C3orf49: variants seen among roughly 807,000 people sequenced by gnomAD.
C3orf49 encodes the protein chromosome 3 open reading frame 49.
C3orf49 carries 27 observed loss-of-function variants against 13.3 expected under a neutral mutation model. The ratio of observed to expected loss-of-function variants is 2.02; its 90% CI spans 1.49 to 2.79. The LOEUF (loss-of-function observed/expected upper bound fraction) is 2.79. Among genes scored for constraint, C3orf49 ranks in the 30% most tolerant of loss-of-function variants. The pLI is 0.00. For synonymous variants in C3orf49, 87 were observed against 47.6 expected, an observed-to-expected ratio of 1.83 and a Z score of -3.40; for missense variants, 242 against 134.2, an observed-to-expected ratio of 1.80 and a Z score of -3.97.
At chr3:63,828,026 A>G (rs1288542608) in intron 3 of C3orf49, among the ~76,000 whole-genome samples, 1 of 152,210 alleles carries the variant, frequency 6.6e-6, no homozygotes, top group African/African-American at 2.4e-5. Flanking sequence ...TGTGCATACT[A>G]TGTGGAGTGG....
upstream of C3orf49, among the ~76,000 whole-genome samples, chr3:63,816,739 C>T (rs1701328127): frequency 6.7e-6 from 1 of 149,560 alleles, no homozygotes; most frequent in Non-Finnish European, 1.5e-5. Context: ...TCCAGCCACC[C>T]TAGCTTTCTT....
chr3:63,781,642 A>C, the C3orf49 span, among the ~76,000 whole-genome samples: 1 of 152,136 alleles, frequency 6.6e-6, no homozygotes, highest in African/African-American at 2.4e-5. Flanking sequence ...TCAATATTTA[A>C]TAAACTTGTT....
At chr3:63,790,233 T>C in the C3orf49 span, among the ~76,000 whole-genome samples, 16 of 152,194 alleles carry the variant, frequency 1.1e-4, no homozygotes, top group Non-Finnish European at 1.9e-4. Context: ...ATTTTCTCAG[T>C]GGACTTACCC....
At chr3:63,810,040 G>A in the C3orf49 span, among the ~76,000 whole-genome samples, 1 of 151,880 alleles carries the variant, frequency 6.6e-6, no homozygotes, top group African/African-American at 2.4e-5. Context: ...CAGTTACTGG[G>A]AAGGCTGAGG....
intron 2 of C3orf49, among the ~76,000 whole-genome samples, chr3:63,823,957 C>G (rs1701434584): frequency 6.6e-6 from 1 of 152,118 alleles, no homozygotes; most frequent in South Asian, 2.1e-4. Flanking sequence ...CGTGCCACCA[C>G]ACCCAGCTAA....
chr3:63,845,760 A>C (rs1264890408), intron 6 of C3orf49, among the ~76,000 whole-genome samples: 1 of 152,090 alleles, frequency 6.6e-6, no homozygotes, highest in Non-Finnish European at 1.5e-5. Flanking sequence ...TCCAACATAA[A>C]ATGGTTTCTT....
intron 5 of C3orf49, among the ~76,000 whole-genome samples, chr3:63,837,338 A>T (rs1248834532): frequency 6.6e-6 from 1 of 151,646 alleles, no homozygotes; most frequent in Non-Finnish European, 1.5e-5. Context: ...TACACATTAT[A>T]TTTTTTATTT....
the C3orf49 span, among the ~76,000 whole-genome samples, chr3:63,810,388 GTA>G: frequency 6.6e-6 from 1 of 152,122 alleles, no homozygotes; most frequent in Admixed American, 6.6e-5. Context: ...TGTATGCTCA[GTA>G]CTAAGAACAG....
the C3orf49 span, among the ~76,000 whole-genome samples, chr3:63,795,009 C>A: frequency 6.6e-6 from 1 of 152,170 alleles, no homozygotes; most frequent in Non-Finnish European, 1.5e-5. Context: ...CGTCCCGTCT[C>A]CCTTTGCAAA....
At chr3:63,789,572 A>C in the C3orf49 span, among the ~76,000 whole-genome samples, 2,263 of 152,140 alleles carry the variant, frequency 0.015, 29 homozygotes, top group South Asian at 0.065. Flanking sequence ...GCACTTTGGG[A>C]GGCTGAGGAG....
chr3:63,810,298 C>T, the C3orf49 span, among the ~76,000 whole-genome samples: 2 of 152,146 alleles, frequency 1.3e-5, no homozygotes, highest in African/African-American at 2.4e-5. Flanking sequence ...ATTATTTGTT[C>T]ATTTTTTTGC....
the C3orf49 span, among the ~76,000 whole-genome samples, chr3:63,793,921 C>T: frequency 6.6e-6 from 1 of 152,140 alleles, no homozygotes; most frequent in Admixed American, 6.5e-5. Context: ...TTACTGAGGC[C>T]AAACAGGACA....
At chr3:63,804,322 A>G in the C3orf49 span, among the ~76,000 whole-genome samples, 8 of 152,196 alleles carry the variant, frequency 5.3e-5, no homozygotes, top group African/African-American at 1.9e-4. Context: ...TGGGTATGAT[A>G]TAGCCATCTA....
chr3:63,828,461 G>T (rs1442009841), intron 3 of C3orf49, among the ~76,000 whole-genome samples: 2 of 152,008 alleles, frequency 1.3e-5, no homozygotes, highest in Non-Finnish European at 2.9e-5. Flanking sequence ...AACCATGCTT[G>T]GTTAATTTTT....
the C3orf49 span, among the ~76,000 whole-genome samples, chr3:63,814,034 G>A: frequency 9.8e-5 from 15 of 152,298 alleles, no homozygotes; most frequent in Admixed American, 3.3e-4. Flanking sequence ...TTTGCAGAGG[G>A]CTTACAAGTT....
At chr3:63,831,591 A>C (rs1459716983) in intron 4 of C3orf49, 89 bp from the exon 5 acceptor site, 40 of 664,994 alleles carry the variant, frequency 6.0e-5, no homozygotes, top group South Asian at 3.3e-5. Context: ...CAGTTCCAGA[A>C]CTCTTCTCTC....
At chr3:63,808,293 A>G in the C3orf49 span, among the ~76,000 whole-genome samples, 9 of 152,212 alleles carry the variant, frequency 5.9e-5, no homozygotes, top group African/African-American at 2.2e-4. Flanking sequence ...TAAATTCATT[A>G]TGTTTTATTA....
the C3orf49 span, among the ~76,000 whole-genome samples, chr3:63,811,340 C>T: frequency 4.0e-5 from 6 of 151,346 alleles, no homozygotes; most frequent in Non-Finnish European, 7.4e-5. Flanking sequence ...GAGCGGATCA[C>T]GAGGTCAGGA....
At chr3:63,847,994 A>C (rs1701936503) in intron 6 of C3orf49, among the ~76,000 whole-genome samples, 1 of 152,224 alleles carries the variant, frequency 6.6e-6, no homozygotes, top group Admixed American at 6.5e-5. Context: ...ACAACTGACC[A>C]GCATGAACAT....
Sources: gnomAD v4.1 joint callset for allele counts (sites outside exome capture counted in the v4.1 genomes callset) on GRCh38, gnomAD v4.1.1 for gene constraint, MANE v1.5 for transcripts, NCBI Gene and HGNC (gene_info 2026-07-23, HGNC 2026-07-21) for gene names.